Variants in ZNF420 observed in about 807,000 individuals in gnomAD.
ZNF420 encodes ATM and p53-associated KZNF protein.
A neutral mutation model predicts 44.7 loss-of-function variants in ZNF420; 31 were observed. That is an observed-to-expected ratio of 0.69 (90% confidence interval 0.52 to 0.94). The LOEUF (loss-of-function observed/expected upper bound fraction) is 0.94, where lower values mean the gene tolerates loss of function less well. Ranked by LOEUF, ZNF420 falls within the 40% of genes least tolerant of loss-of-function variation. The probability of loss-of-function intolerance (pLI) is 0.00; values close to 1 mark genes in which losing one functional copy is unlikely to be tolerated. For missense variants in ZNF420, 681 were observed against 827.9 expected (o/e 0.82, Z 2.18); for synonymous variants, 245 against 267.4 (o/e 0.92, Z 0.82).
At chr19:37,050,346 G>T (rs1363530651) in intron 1 of ZNF420, among the ~76,000 whole-genome samples, 1 of 152,180 alleles carries the variant, frequency 6.6e-6, no homozygotes, top group East Asian at 1.9e-4. Context: ...TCCAACCCAT[G>T]AGCATGTAAT....
chr19:37,078,479 G>C lies in ZNF420; in HGVS notation c.-216G>C, dbSNP rs1968234953. ...GGGAGAGGGCCGCGTCTGTGGAGGA[G>C]CTTGGCTCCGCACCTGCTGGGCTGG... On this transcript the variant is annotated 5_prime_UTR_variant, in exon 1 of 5. Coordinates refer to ENST00000337995, the MANE Select transcript of ZNF420 (RefSeq NM_144689.5). 6.6e-6 allele frequency: 1 copy of C among 152,368 alleles called. No individual in the cohort carries two copies. Among genetic ancestry groups the C allele is most frequent in the Non-Finnish European group, 1.5e-5 (1 of 68,172 alleles). The allele number at this position is 152,368 out of a possible 1,614,324, so 9.4% of individuals were successfully genotyped here. A position where few individuals can be genotyped will look rare whatever the true frequency, so the allele number is the denominator to read the frequency against.
intron 4 of ZNF420, among the ~76,000 whole-genome samples, chr19:37,112,460 C>T (rs1282223485): frequency 6.6e-6 from 1 of 152,166 alleles, no homozygotes; most frequent in Non-Finnish European, 1.5e-5. Flanking sequence ...TGAGGCAGTG[C>T]CTACGCCGAC....
intron 2 of ZNF420, among the ~76,000 whole-genome samples, chr19:37,084,527 G>A (rs533719707): frequency 6.6e-6 from 1 of 152,142 alleles, no homozygotes; most frequent in South Asian, 2.1e-4. Flanking sequence ...TTAGTATTAT[G>A]GTTATTTGGC....
chr19:37,128,671 A>C lies in ZNF420; in HGVS notation c.1680A>C (p.Gln560His). 1.2e-6 allele frequency: 2 copies of C among 1,614,148 alleles called. No individual in the cohort carries two copies. The highest frequency in any genetic ancestry group is 1.7e-6 in the Non-Finnish European group (2 of 1,179,998). The change falls in exon 5 of 5, where the codon CAA becomes CAC. Residue 560 changes from glutamine (Q) to histidine (H), a missense_variant. Coordinates refer to ENST00000337995, the MANE Select transcript of ZNF420 (RefSeq NM_144689.5). ...TTCATACTGGTGAGAAACCATATCAATGTAAGGAATGTGGGAAAGCCTTTA... is the reference window on the plus strand; with the variant it reads ...TTCATACTGGTGAGAAACCATATCACTGTAAGGAATGTGGGAAAGCCTTTA... Reference protein sequence around the residue: ...QRIHTGEKPYQCKECGKAFIR... With the variant: ...QRIHTGEKPYHCKECGKAFIR...
At chr19:37,110,605 T>A (rs1426723066) in intron 4 of ZNF420, among the ~76,000 whole-genome samples, 3 of 152,224 alleles carry the variant, frequency 2.0e-5, no homozygotes, top group Non-Finnish European at 4.4e-5. Flanking sequence ...ATGCTATATT[T>A]GATTAGAGCT....
At chr19:37,069,548 C>G (rs73625231) in intron 1 of ZNF420, among the ~76,000 whole-genome samples, 1,999 of 152,176 alleles carry the variant, frequency 0.013, 47 homozygotes, top group African/African-American at 0.045. Flanking sequence ...TAAACATGAT[C>G]AGAACACTTA....
intron 4 of ZNF420, among the ~76,000 whole-genome samples, chr19:37,100,369 A>G (rs1189273285): frequency 6.6e-6 from 1 of 151,752 alleles, no homozygotes; most frequent in African/African-American, 2.4e-5. Flanking sequence ...TTTGTAGTAT[A>G]TTTTCAAGTC....
chr19:37,066,707 G>C (rs773849532), intron 1 of ZNF420, among the ~76,000 whole-genome samples: 2 of 152,192 alleles, frequency 1.3e-5, no homozygotes, highest in Non-Finnish European at 2.9e-5. Flanking sequence ...GTAAAATGGT[G>C]CAATCCCTTT....
chr19:37,018,441 T>C (rs2074623189), intron 1 of ZNF420, among the ~76,000 whole-genome samples: 1 of 152,226 alleles, frequency 6.6e-6, no homozygotes, highest in South Asian at 2.1e-4. Context: ...TATTAATCAA[T>C]GCATATATAG....
intron 4 of ZNF420, among the ~76,000 whole-genome samples, chr19:37,110,865 G>A (rs1208200801): frequency 1.3e-5 from 2 of 152,256 alleles, no homozygotes; most frequent in Admixed American, 1.3e-4. Flanking sequence ...AATCCAAGTA[G>A]TCAATTTTAA....
chr19:37,114,622 T>C (rs1235049373), intron 4 of ZNF420, among the ~76,000 whole-genome samples: 1 of 152,216 alleles, frequency 6.6e-6, no homozygotes, highest in African/African-American at 2.4e-5. Flanking sequence ...TAATTGATTA[T>C]AGTCAACATT....
chr19:37,032,328 T>TA (rs201146425), intron 1 of ZNF420, among the ~76,000 whole-genome samples: 143 of 140,346 alleles, frequency 1.0e-3, no homozygotes, highest in South Asian at 1.8e-3. Flanking sequence ...AAGACTCTGT[T>TA]AAAAAAAAAA....
intron 1 of ZNF420, among the ~76,000 whole-genome samples, chr19:37,036,092 C>G (rs1161655329): frequency 6.6e-6 from 1 of 152,278 alleles, no homozygotes; most frequent in East Asian, 1.9e-4. Flanking sequence ...CCACCCACTC[C>G]CTTACCCTTC....
At chr19:37,023,980 A>G (rs1287685927) in intron 1 of ZNF420, among the ~76,000 whole-genome samples, 1 of 152,120 alleles carries the variant, frequency 6.6e-6, no homozygotes, top group Non-Finnish European at 1.5e-5. Flanking sequence ...CCATGATGGA[A>G]GAGGGGTTTT....
chr19:37,059,900 T>C (rs1041866878), intron 1 of ZNF420, among the ~76,000 whole-genome samples: 2 of 152,030 alleles, frequency 1.3e-5, no homozygotes, highest in African/African-American at 4.8e-5. Context: ...CCTGTTTCTC[T>C]CTCTCCCTCT....
chr19:37,126,098 C>G (rs1971332490), intron 4 of ZNF420, among the ~76,000 whole-genome samples: 1 of 151,766 alleles, frequency 6.6e-6, no homozygotes. Flanking sequence ...TAGCCACCCA[C>G]TCTTTATTAT....
intron 1 of ZNF420, among the ~76,000 whole-genome samples, chr19:37,050,773 G>T (rs78838835): frequency 0.16 from 24,521 of 152,154 alleles, 2,102 homozygotes; most frequent in African/African-American, 0.23. Flanking sequence ...TGGTGAGAGA[G>T]GGCATCCCTG....
intron 1 of ZNF420, among the ~76,000 whole-genome samples, chr19:37,014,251 C>CG (rs1384031253): frequency 6.6e-6 from 1 of 152,126 alleles, no homozygotes; most frequent in Non-Finnish European, 1.5e-5. Context: ...GAGACCAGGA[C>CG]GGTGCCCTGG....
At chr19:37,019,862 G>A (rs2074633595) in intron 1 of ZNF420, among the ~76,000 whole-genome samples, 1 of 152,036 alleles carries the variant, frequency 6.6e-6, no homozygotes, top group Admixed American at 6.5e-5. Flanking sequence ...GTTTCAAAGA[G>A]ATATTTGTAC....
Sources: gnomAD v4.1 joint callset for allele counts (sites outside exome capture counted in the v4.1 genomes callset) on GRCh38, gnomAD v4.1.1 for gene constraint, MANE v1.5 for transcripts, NCBI Gene and HGNC (gene_info 2026-07-23, HGNC 2026-07-21) for gene names.